ZFYVE28: variants seen among roughly 807,000 people sequenced by gnomAD.
ZFYVE28 encodes the protein lateral signaling target protein 2 homolog.
A neutral mutation model predicts 82.1 loss-of-function variants in ZFYVE28; 40 were observed. The observed-to-expected ratio is 0.49, with a 90% CI of 0.38 to 0.63. The LOEUF is 0.63. Ranked by LOEUF, ZFYVE28 falls within the 30% of genes least tolerant of loss-of-function variation. The pLI, the probability that ZFYVE28 is intolerant of heterozygous loss-of-function variation, is 0.00. For synonymous variants in ZFYVE28, 612 were observed against 546.1 expected, an observed-to-expected ratio of 1.12 and a Z score of -1.68; for missense variants, 1,321 against 1,242.1, an observed-to-expected ratio of 1.06 and a Z score of -0.96.
intron 1 of ZFYVE28, among the ~76,000 whole-genome samples, chr4:2,399,296 C>T (rs1425468861): frequency 6.6e-6 from 1 of 152,134 alleles, no homozygotes; most frequent in African/African-American, 2.4e-5. Context: ...CAAAGCTGCA[C>T]CAACAGCCTG....
At chr4:2,282,647 A>G (rs1712113398) in intron 8 of ZFYVE28, among the ~76,000 whole-genome samples, 1 of 152,264 alleles carries the variant, frequency 6.6e-6, no homozygotes, top group Admixed American at 6.5e-5. Flanking sequence ...GTGAGTATGC[A>G]AACAGAAAGA....
intron 8 of ZFYVE28, among the ~76,000 whole-genome samples, chr4:2,296,264 G>A (rs372065237): frequency 2.6e-5 from 4 of 152,314 alleles, no homozygotes; most frequent in African/African-American, 7.2e-5. Flanking sequence ...CTTGCAGGGC[G>A]ATCACTGTCC....
At position 2,372,649 on chromosome 4, in the gene ZFYVE28, G is replaced by A. The variant is rs1296199484; in HGVS notation, c.40-18576C>T. Among the ~76,000 whole-genome samples the A allele has an allele frequency of 6.6e-6, 1 of 152,170 alleles. No homozygotes were observed. The highest frequency in any genetic ancestry group is 1.9e-4 in the East Asian group (1 of 5,200). ...GAAGGGACCTGATGAGGGAGGGCCT[G>A]CGGCTGGGCACGGGTGGGCACTGGC... On this transcript the variant is annotated intron_variant, in intron 1 of 12. Coordinates refer to ENST00000290974, the MANE Select transcript of ZFYVE28 (RefSeq NM_020972.3). This position sits in a 1 kb window ranked among gnomAD's most constrained non-coding sequence, Gnocchi z 5.2.
intron 1 of ZFYVE28, among the ~76,000 whole-genome samples, chr4:2,384,128 C>T (rs753684135): frequency 2.6e-5 from 4 of 152,174 alleles, no homozygotes; most frequent in Non-Finnish European, 4.4e-5. Flanking sequence ...GTTGGGTTCC[C>T]ACATTCTACC....
chr4:2,337,439 C>T lies in ZFYVE28; in HGVS notation c.579G>A (p.Glu193=), dbSNP rs142395573. ...KSPREYYVQQ[E]VIVLFCETVE... is the part of the protein sequence containing the mutation. ...CCGTCTCGCAGAAGAGCACGATGAC[C>T]TCCTGCTGCACGTAGTACTCCCTGG... Residue 193 remains glutamate, a synonymous_variant, in exon 5 of 13, where the codon GAG becomes GAA. Transcript: ENST00000290974. 31 of 1,610,368 alleles carry T rather than the reference C, an allele frequency of 1.9e-5. No homozygotes were observed. The highest frequency in any genetic ancestry group is 1.6e-4 in the Middle Eastern group (1 of 6,072).
At position 2,332,872 on chromosome 4, in the gene ZFYVE28, C is replaced by T. The variant is rs1055284163; in HGVS notation, c.701+2833G>A. On this transcript the variant is annotated intron_variant, in intron 6 of 12. Coordinates refer to ENST00000290974, the MANE Select transcript of ZFYVE28 (RefSeq NM_020972.3). This position sits in a 1 kb window ranked among gnomAD's most constrained non-coding sequence, Gnocchi z 4.7. ...TGCAGTGGCAGCCTGGTGCACCCCA[C>T]GGTTCCTCGTATCCACAGCCTGGCT... Among the ~76,000 whole-genome samples, 3 of 152,094 alleles carry T rather than the reference C, an allele frequency of 2.0e-5. No individual in the cohort carries two copies. The highest frequency in any genetic ancestry group is 4.4e-5 in the Non-Finnish European group (3 of 67,990).
chr4:2,359,124 A>G (rs1335791132), intron 1 of ZFYVE28, among the ~76,000 whole-genome samples: 2 of 149,736 alleles, frequency 1.3e-5, no homozygotes, highest in East Asian at 1.9e-4. Flanking sequence ...ACAGGCGCCC[A>G]CCACCAGGCC....
At chr4:2,279,527 C>T (rs930305591) in intron 8 of ZFYVE28, among the ~76,000 whole-genome samples, 3 of 152,178 alleles carry the variant, frequency 2.0e-5, no homozygotes, top group Non-Finnish European at 4.4e-5. Context: ...CACCTGTAAT[C>T]CCAGCACTTT....
At position 2,300,594 on chromosome 4, in the gene ZFYVE28, C is replaced by G. The variant is rs1715359064; in HGVS notation, c.2051+3695G>C. Among the ~76,000 whole-genome samples the G allele has an allele frequency of 6.6e-6, 1 of 152,106 alleles. No homozygotes were observed. Among genetic ancestry groups the G allele is most frequent in the Admixed American group, 6.5e-5 (1 of 15,280 alleles). On this transcript the variant is annotated intron_variant, in intron 8 of 12. Coordinates refer to ENST00000290974, the MANE Select transcript of ZFYVE28 (RefSeq NM_020972.3). The surrounding 1 kb of genome is among the most constrained non-coding windows in gnomAD (Gnocchi z 4.6). ...GACTCCAGTGGGCCATGTGCCAACC[C>G]ACCTCCTGCGTGCATCCGTCCCCTG...
chr4:2,291,453 A>G (rs1403749375), intron 8 of ZFYVE28, among the ~76,000 whole-genome samples: 1 of 152,156 alleles, frequency 6.6e-6, no homozygotes, highest in Admixed American at 6.5e-5. Context: ...GGAGGGGCCA[A>G]TGCTTACCAA....
At chr4:2,273,938 G>T in intron 9 of ZFYVE28, 124 bp downstream of exon 9, 1 of 1,126,276 alleles carries the variant, frequency 8.9e-7, no homozygotes, top group Non-Finnish European at 1.3e-6. Context: ...GCTCCTTAGG[G>T]GCAGAGTGGG....
intron 1 of ZFYVE28, among the ~76,000 whole-genome samples, chr4:2,359,819 T>G (rs766356197): frequency 6.6e-6 from 1 of 152,078 alleles, no homozygotes. Context: ...AGCCCTGACA[T>G]CCACTTAGCA....
chr4:2,304,346 T>A lies in ZFYVE28; in HGVS notation c.1994A>T (p.Glu665Val). The A allele has an allele frequency of 6.2e-7, 1 of 1,608,364 alleles. No homozygotes were observed. Among genetic ancestry groups the A allele is most frequent in the Non-Finnish European group, 8.5e-7 (1 of 1,179,774 alleles). The change falls in exon 8 of 13, where the codon GAG becomes GTG. Residue 665 changes from glutamate to valine, a missense_variant. By Grantham distance (121) the Glu-to-Val change is moderately radical. Transcript: ENST00000290974. ...AGCCGAGGGGCTCCCAGCATGCAGC[T>A]CTCTGGCCTCTGGCTCCTGCTGACC... Reference protein sequence around the residue: ...VAGQQEPEARELHAGSPSAHE... With the variant: ...VAGQQEPEARVLHAGSPSAHE...
intron 8 of ZFYVE28, among the ~76,000 whole-genome samples, chr4:2,279,757 A>G (rs1187475549): frequency 3.0e-4 from 46 of 151,704 alleles, no homozygotes; most frequent in South Asian, 1.3e-3. Flanking sequence ...CTCCAGCCTG[A>G]CAACAGAGTG....
chr4:2,274,757 A>G (rs1359884621), intron 8 of ZFYVE28, among the ~76,000 whole-genome samples: 2 of 152,212 alleles, frequency 1.3e-5, no homozygotes, highest in African/African-American at 2.4e-5. Context: ...AAACGTCCTT[A>G]TAAGAGACAG....
intron 1 of ZFYVE28, among the ~76,000 whole-genome samples, chr4:2,401,196 G>GC (rs1239276338): frequency 6.6e-6 from 1 of 152,218 alleles, no homozygotes; most frequent in Non-Finnish European, 1.5e-5. Context: ...GAAGGGGATG[G>GC]CCAGTGGAGG....
intron 7 of ZFYVE28, chr4:2,307,221 A>G (rs1716717277): frequency 6.6e-6 from 1 of 152,208 alleles, no homozygotes; most frequent in Non-Finnish European, 1.5e-5. Context: ...TTCCTGTTCA[A>G]GCTTTTTGCC....
At chr4:2,340,450 T>C (rs752552808) in intron 3 of ZFYVE28, among the ~76,000 whole-genome samples, 13 of 152,142 alleles carry the variant, frequency 8.5e-5, no homozygotes, top group Non-Finnish European at 1.5e-4. Flanking sequence ...AGGTTTAGGA[T>C]AGAACCAATC....
At chr4:2,314,577 T>C (rs1465194476) in intron 7 of ZFYVE28, among the ~76,000 whole-genome samples, 4 of 152,230 alleles carry the variant, frequency 2.6e-5, no homozygotes, top group Non-Finnish European at 5.9e-5. Flanking sequence ...TAGTGATCCT[T>C]GACTGATCAC....
Sources: allele counts gnomAD v4.1 joint callset (sites outside exome capture counted in the v4.1 genomes callset), GRCh38; gene constraint gnomAD v4.1.1; non-coding constraint Gnocchi (gnomAD v3.1); transcripts MANE v1.5; gene names NCBI Gene and HGNC (gene_info 2026-07-23, HGNC 2026-07-21).